THRB: variants seen among roughly 807,000 people sequenced by gnomAD.
THRB encodes thyroid hormone receptor beta, also known as nuclear receptor subfamily 1 group A member 2.
A neutral mutation model predicts 47.8 loss-of-function variants in THRB; 12 were observed. The observed-to-expected ratio is 0.25, with a 90% CI of 0.16 to 0.41. The LOEUF (loss-of-function observed/expected upper bound fraction) is 0.41. Ranked by LOEUF, THRB falls within the 10% of genes least tolerant of loss-of-function variation. The pLI is 1.00. For missense variants in THRB, 348 were observed against 589.2 expected (o/e 0.59, Z 4.24); for synonymous variants, 218 against 212.2 (o/e 1.03, Z -0.24).
chr3:24,457,384 G>C (rs1307933072), intron 1 of THRB, among the ~76,000 whole-genome samples: 1 of 152,044 alleles, frequency 6.6e-6, no homozygotes, highest in African/African-American at 2.4e-5. Flanking sequence ...TGAACACTTG[G>C]CATTTGATTA....
intron 4 of THRB, among the ~76,000 whole-genome samples, chr3:24,205,374 C>A (rs987258749): frequency 1.3e-5 from 2 of 152,134 alleles, no homozygotes; most frequent in South Asian, 2.1e-4. Flanking sequence ...GACTTTTCAA[C>A]CCAGAATTTC....
At chr3:24,261,093 C>T (rs1576375503) in intron 3 of THRB, among the ~76,000 whole-genome samples, 1 of 151,812 alleles carries the variant, frequency 6.6e-6, no homozygotes, top group African/African-American at 2.4e-5. Flanking sequence ...CCCAAGCCCT[C>T]CCACTTAGAG....
At chr3:24,351,083 A>C (rs1257984017) in intron 1 of THRB, among the ~76,000 whole-genome samples, 1 of 151,986 alleles carries the variant, frequency 6.6e-6, no homozygotes, top group Non-Finnish European at 1.5e-5. Flanking sequence ...TTTCTTGGTG[A>C]AGAATAGCAG....
intron 2 of THRB, among the ~76,000 whole-genome samples, chr3:24,332,229 T>C (rs1275368004): frequency 6.6e-6 from 1 of 152,178 alleles, no homozygotes; most frequent in Non-Finnish European, 1.5e-5. Flanking sequence ...AATTTATACA[T>C]GAAGGCTAGC....
intron 1 of THRB, among the ~76,000 whole-genome samples, chr3:24,353,284 C>G (rs1482107709): frequency 2.6e-5 from 4 of 151,164 alleles, no homozygotes; most frequent in African/African-American, 9.8e-5. Context: ...AGCCTACACA[C>G]AGTCAGTGTA....
At chr3:24,242,885 C>G (rs959309120) in intron 3 of THRB, among the ~76,000 whole-genome samples, 2 of 151,992 alleles carry the variant, frequency 1.3e-5, no homozygotes, top group African/African-American at 4.8e-5. Context: ...CAGCACCAGT[C>G]CTGCCACTGC....
chr3:24,138,465 G>C (rs1017622270), intron 8 of THRB, among the ~76,000 whole-genome samples: 5 of 152,138 alleles, frequency 3.3e-5, no homozygotes, highest in Non-Finnish European at 1.5e-5. Context: ...AATATGCCAG[G>C]CAGTGTTAAC....
At chr3:24,495,457 C>G (rs1367333988), upstream of THRB, 1 of 153,138 alleles carries the variant, frequency 6.5e-6, no homozygotes, top group Admixed American at 6.5e-5. Context: ...GTCCCCGGGC[C>G]GGCCGCCTCC....
At chr3:24,365,341 G>A (rs1244319527) in intron 1 of THRB, among the ~76,000 whole-genome samples, 5 of 152,126 alleles carry the variant, frequency 3.3e-5, no homozygotes, top group African/African-American at 1.2e-4. Flanking sequence ...CAGACTGCAG[G>A]GAGGAAATGA....
intron 1 of THRB, among the ~76,000 whole-genome samples, chr3:24,423,092 T>C (rs2069424091): frequency 6.6e-6 from 1 of 151,832 alleles, no homozygotes; most frequent in African/African-American, 2.4e-5. Context: ...CAGCTCACCA[T>C]ATAACTAAGT....
chr3:24,150,202 C>G (rs1385545579), intron 6 of THRB, among the ~76,000 whole-genome samples: 1 of 152,106 alleles, frequency 6.6e-6, no homozygotes, highest in African/African-American at 2.4e-5. Flanking sequence ...AGGGTGAAAA[C>G]TGGCAAAAAG....
chr3:24,201,533 G>C (rs2044597127), intron 4 of THRB, among the ~76,000 whole-genome samples: 1 of 152,142 alleles, frequency 6.6e-6, no homozygotes, highest in Non-Finnish European at 1.5e-5. Flanking sequence ...GAGACATTCT[G>C]TTCTAGGGGC....
chr3:24,158,442 GGT>G lies in THRB; in HGVS notation c.284-5954_284-5953del, dbSNP rs1276197801. Among the ~76,000 whole-genome samples the G allele has an allele frequency of 4.2e-3, 599 of 143,832 alleles. 10 individuals are homozygous for G. Among genetic ancestry groups the G allele is most frequent in the African/African-American group, 0.015 (563 of 37,966 alleles). 94.4% of individuals were successfully genotyped at this position (143,832 alleles called of 152,430 possible). ...TAACTTTTTTTTTTTTTGGGGGGAG[GGT>G]GGGGGACGAGTTTCACTCTTGTTGA... On this transcript the variant is annotated intron_variant, in intron 5 of 10. Coordinates refer to ENST00000646209, the MANE Select transcript of THRB (RefSeq NM_001354712.2).
intron 4 of THRB, among the ~76,000 whole-genome samples, chr3:24,211,874 G>T (rs765495876): frequency 4.6e-5 from 7 of 152,172 alleles, no homozygotes; most frequent in African/African-American, 9.7e-5. Flanking sequence ...CAGATCAATT[G>T]GTCCTAGTTC....
intron 10 of THRB, 86 bp downstream of exon 10, chr3:24,127,413 G>A (rs1403636886): frequency 1.4e-6 from 2 of 1,413,694 alleles, no homozygotes; most frequent in Non-Finnish European, 2.0e-6. Context: ...GAAGCTAAAG[G>A]GGGACTGAAA....
In THRB at chr3:24,481,513, T is replaced by C. The variant is rs140633778; in HGVS notation, c.-261+13139A>G. 3.0e-4 allele frequency among the ~76,000 whole-genome samples: 45 copies of C among 152,234 alleles called. 2 individuals carry two copies. The East Asian group carries it at 8.5e-3, about 29-fold the overall frequency. On this transcript the variant is annotated intron_variant, in intron 1 of 10. Transcript: ENST00000646209. ...ACTGAACTTGTTTAACACACAGTCC[T>C]TGCCCTCTTAGAACTTAAAATCTAG...
chr3:24,475,985 G>C (rs542783968), intron 1 of THRB, among the ~76,000 whole-genome samples: 2 of 152,344 alleles, frequency 1.3e-5, no homozygotes, highest in East Asian at 3.9e-4. Context: ...CTGAAGATCA[G>C]GAAAGAGCCT....
chr3:24,248,745 A>T (rs2050363338), intron 3 of THRB, among the ~76,000 whole-genome samples: 1 of 152,158 alleles, frequency 6.6e-6, no homozygotes, highest in South Asian at 2.1e-4. Context: ...CGTCCCTCAG[A>T]GGTTCTAGCA....
At chr3:24,182,183 A>G (rs1311042368) in intron 5 of THRB, among the ~76,000 whole-genome samples, 1 of 152,166 alleles carries the variant, frequency 6.6e-6, no homozygotes, top group Non-Finnish European at 1.5e-5. Context: ...CCTGGGCGAC[A>G]GAGTGAGACT....
Sources: gnomAD v4.1 joint callset for allele counts (sites outside exome capture counted in the v4.1 genomes callset) on GRCh38, gnomAD v4.1.1 for gene constraint, MANE v1.5 for transcripts, NCBI Gene and HGNC (gene_info 2026-07-23, HGNC 2026-07-21) for gene names.